PTPRD: variants seen among roughly 807,000 people sequenced by gnomAD.
PTPRD encodes receptor-type tyrosine-protein phosphatase delta.
In PTPRD, 34 loss-of-function variants were observed where a neutral mutation model predicts 214.5. The observed-to-expected ratio is 0.16, with a 90% CI of 0.12 to 0.21. The LOEUF (loss-of-function observed/expected upper bound fraction) is 0.21, where lower values mean the gene tolerates loss of function less well. PTPRD is among the 10% of genes least tolerant of loss of function. The pLI, the probability that PTPRD is intolerant of heterozygous loss-of-function variation, is 1.00. For synonymous variants in PTPRD, 1,128 were observed against 845.7 expected (o/e 1.33, Z -5.79); for missense variants, 2,545 against 2,398.7 (o/e 1.06, Z -1.27).
chr9:10,571,090 A>G (rs1468334632), intron 2 of PTPRD, among the ~76,000 whole-genome samples: 1 of 152,108 alleles, frequency 6.6e-6, no homozygotes, highest in Non-Finnish European at 1.5e-5. Context: ...ATTTTTTAAA[A>G]TATGAATGGC....
chr9:10,187,735 T>G (rs996406926), intron 3 of PTPRD, among the ~76,000 whole-genome samples: 1 of 152,332 alleles, frequency 6.6e-6, no homozygotes, highest in African/African-American at 2.4e-5. Flanking sequence ...TCTGCTTTCA[T>G]GGGTTATTCT....
intron 3 of PTPRD, among the ~76,000 whole-genome samples, chr9:10,095,840 C>T (rs190290445): frequency 6.6e-6 from 1 of 151,674 alleles, no homozygotes; most frequent in Admixed American, 6.6e-5. Context: ...TTATCTCTAT[C>T]TACCCAGACC....
rs941064517 is a variant in PTPRD, at chr9:8,813,496, C to A, written c.-103-79550G>T. 9.2e-5 allele frequency among the ~76,000 whole-genome samples: 14 copies of A among 152,208 alleles called. No homozygotes were observed. The East Asian group carries it at 2.1e-3, about 23-fold the overall frequency. The stretch of plus-strand genomic sequence containing the variant: ...AGCAATCCTCCTGCCTCAGCCTCCT[C>A]GGTACTTGTGACTACAAGGCACGTG... On this transcript the variant is annotated intron_variant, in intron 11 of 45. Coordinates refer to ENST00000381196, the MANE Select transcript of PTPRD (RefSeq NM_002839.4).
chr9:10,430,537 T>C (rs938453805), intron 2 of PTPRD, among the ~76,000 whole-genome samples: 3 of 151,936 alleles, frequency 2.0e-5, no homozygotes, highest in African/African-American at 4.8e-5. Flanking sequence ...TATAATTATA[T>C]GTAAAATTAG....
Position 8,954,396 on chromosome 9 carries a change from C to A in PTPRD, c.-104+64301G>T, listed in dbSNP as rs76885139. On this transcript the variant is annotated intron_variant, in intron 11 of 45. Transcript: ENST00000381196. ...GAAAACCTACCTATTGGGTATTATG[C>A]TTACTACCTGGGTTACAATTTCAAT... Among the ~76,000 whole-genome samples the A allele has an allele frequency of 2.4e-3, 361 of 151,900 alleles. 3 individuals are homozygous for A. Among genetic ancestry groups the A allele is most frequent in the African/African-American group, 8.5e-3 (354 of 41,508 alleles).
At chr9:8,801,271 T>C (rs1298280002) in intron 11 of PTPRD, among the ~76,000 whole-genome samples, 1 of 152,218 alleles carries the variant, frequency 6.6e-6, no homozygotes, top group African/African-American at 2.4e-5. Flanking sequence ...CTATAGTTAA[T>C]AAACTTCCCT....
chr9:8,862,031 C>T (rs1419697834), intron 11 of PTPRD: 2 of 152,106 alleles, frequency 1.3e-5, no homozygotes, highest in African/African-American at 4.8e-5. Flanking sequence ...TTCTCAGTAG[C>T]TTGCTTTGGC....
chr9:9,048,383 C>G (rs912947775), intron 10 of PTPRD, among the ~76,000 whole-genome samples: 2 of 152,064 alleles, frequency 1.3e-5, no homozygotes, highest in Admixed American at 6.6e-5. Flanking sequence ...TTTACAACAG[C>G]TAAGATTTAA....
chr9:8,488,265 T>G (rs1312702996), intron 27 of PTPRD, among the ~76,000 whole-genome samples: 1 of 152,242 alleles, frequency 6.6e-6, no homozygotes, highest in Non-Finnish European at 1.5e-5. Context: ...AGAAATATCA[T>G]TAAGATATTT....
intron 13 of PTPRD, among the ~76,000 whole-genome samples, chr9:8,634,633 A>G (rs1461159493): frequency 1.3e-5 from 2 of 152,092 alleles, no homozygotes; most frequent in African/African-American, 4.8e-5. Flanking sequence ...TTTAAAATAA[A>G]TCTACTATGC....
chr9:9,686,266 CCT>C (rs1338117109), intron 7 of PTPRD, among the ~76,000 whole-genome samples: 13 of 147,576 alleles, frequency 8.8e-5, no homozygotes, highest in African/African-American at 2.7e-4. Context: ...GAAAATTAAT[CCT>C]CTCATATTTG....
chr9:9,369,882 G>T (rs1398363780), intron 9 of PTPRD, among the ~76,000 whole-genome samples: 5 of 152,168 alleles, frequency 3.3e-5, no homozygotes, highest in African/African-American at 7.2e-5. Context: ...TTTCCCCATT[G>T]CTTGTTTTTG....
At chr9:10,555,102 A>T (rs2062215695) in intron 2 of PTPRD, among the ~76,000 whole-genome samples, 1 of 152,114 alleles carries the variant, frequency 6.6e-6, no homozygotes, top group African/African-American at 2.4e-5. Context: ...TTTGTAAAAG[A>T]TCAGTTAAAA....
intron 11 of PTPRD, among the ~76,000 whole-genome samples, chr9:9,010,661 G>C (rs1331661): frequency 0.77 from 117,231 of 151,676 alleles, 46,268 homozygotes; most frequent in Middle Eastern, 0.92. Flanking sequence ...ACCTTATCAA[G>C]CCAAAGTGTG....
At chr9:9,278,529 T>A (rs1375025273) in intron 9 of PTPRD, among the ~76,000 whole-genome samples, 7 of 151,326 alleles carry the variant, frequency 4.6e-5, no homozygotes, top group Non-Finnish European at 3.0e-5. Flanking sequence ...ATATGTATAT[T>A]TTAACGTCAG....
At chr9:10,244,032 T>C (rs1335101905) in intron 3 of PTPRD, among the ~76,000 whole-genome samples, 1 of 98,990 alleles carries the variant, frequency 1.0e-5, no homozygotes, top group Non-Finnish European at 2.6e-5. Flanking sequence ...TTGGGAGGAT[T>C]AAATGTAATA....
intron 5 of PTPRD, among the ~76,000 whole-genome samples, chr9:9,811,508 C>G (rs902567338): frequency 3.9e-5 from 6 of 152,082 alleles, no homozygotes; most frequent in Non-Finnish European, 7.4e-5. Flanking sequence ...GAGATCGAGA[C>G]CATCCTGGCT....
At chr9:8,335,165 T>C (rs1375557509) in intron 43 of PTPRD, among the ~76,000 whole-genome samples, 3 of 152,098 alleles carry the variant, frequency 2.0e-5, no homozygotes, top group Admixed American at 1.3e-4. Context: ...AGCATCATCC[T>C]GATACCAAAA....
intron 2 of PTPRD, among the ~76,000 whole-genome samples, chr9:10,502,755 T>C (rs190630921): frequency 6.3e-4 from 96 of 152,190 alleles, no homozygotes; most frequent in Admixed American, 1.6e-3. Context: ...TGTAGTTATC[T>C]AGCAAAGAAA....
Sources: gnomAD v4.1 joint callset for allele counts (sites outside exome capture counted in the v4.1 genomes callset) on GRCh38, gnomAD v4.1.1 for gene constraint, MANE v1.5 for transcripts, NCBI Gene and HGNC (gene_info 2026-07-23, HGNC 2026-07-21) for gene names.